DPP6: variants seen among roughly 807,000 people sequenced by gnomAD.
DPP6 encodes A-type potassium channel modulatory protein DPP6.
In DPP6, 69 loss-of-function variants were observed where a neutral mutation model predicts 122.6. The ratio of observed to expected loss-of-function variants is 0.56; its 90% CI spans 0.46 to 0.69. The LOEUF (loss-of-function observed/expected upper bound fraction) is 0.69. Ranked by LOEUF, DPP6 falls within the 30% of genes least tolerant of loss-of-function variation. The pLI is 0.00. For missense variants in DPP6, 928 were observed against 1,116.9 expected (o/e 0.83, Z 2.41); for synonymous variants, 418 against 433.1 (o/e 0.97, Z 0.43).
intron 6 of DPP6, among the ~76,000 whole-genome samples, chr7:154,640,478 C>T (rs145179946): frequency 3.3e-5 from 5 of 152,302 alleles, no homozygotes; most frequent in South Asian, 2.1e-4. Context: ...GCCCCTGAAG[C>T]GGCGTTGCTC....
chr7:154,145,196 C>T (rs1173364237), intron 1 of DPP6, among the ~76,000 whole-genome samples: 1 of 152,254 alleles, frequency 6.6e-6, no homozygotes. Context: ...AACACATGAG[C>T]CTTGCTTTTA....
intron 1 of DPP6, among the ~76,000 whole-genome samples, chr7:154,162,393 T>G (rs1311682107): frequency 6.6e-6 from 1 of 152,270 alleles, no homozygotes; most frequent in Non-Finnish European, 1.5e-5. Context: ...CCATAGACAT[T>G]CATTTTTCTA....
intron 1 of DPP6, among the ~76,000 whole-genome samples, chr7:154,003,920 G>GGAAATAGGCTCTATCCCTTTTGCA (rs1411302924): frequency 3.9e-5 from 6 of 152,228 alleles, no homozygotes; most frequent in Non-Finnish European, 5.9e-5. Context: ...CAAAGAATGG[G>GGAAATAGGCTCTATCCCTTTTGCA]GAAATAGGCT....
chr7:153,837,437 C>G, the DPP6 span, among the ~76,000 whole-genome samples: 4 of 152,134 alleles, frequency 2.6e-5, no homozygotes, highest in Non-Finnish European at 4.4e-5. Context: ...GCTTAAATAC[C>G]TTAACCAAAT....
chr7:153,945,835 C>G (rs960298872), intron 1 of DPP6, among the ~76,000 whole-genome samples: 29 of 152,204 alleles, frequency 1.9e-4, no homozygotes, highest in African/African-American at 6.0e-4. Flanking sequence ...CTCGTCTAAC[C>G]TGCATGCCGT....
chr7:154,879,726 T>G (rs1805221546), intron 20 of DPP6, among the ~76,000 whole-genome samples: 1 of 152,188 alleles, frequency 6.6e-6, no homozygotes, highest in African/African-American at 2.4e-5. Context: ...CACTCCAGCC[T>G]GGGCAATGAG....
At chr7:154,321,143 G>T (rs1807914966) in intron 1 of DPP6, among the ~76,000 whole-genome samples, 1 of 152,044 alleles carries the variant, frequency 6.6e-6, no homozygotes, top group African/African-American at 2.4e-5. Context: ...ATTAGCAGGT[G>T]GTGCATGCCT....
intron 1 of DPP6, among the ~76,000 whole-genome samples, chr7:154,061,544 C>T (rs370977855): frequency 6.8e-6 from 1 of 146,892 alleles, no homozygotes; most frequent in Non-Finnish European, 1.5e-5. Flanking sequence ...AAAACCTGAA[C>T]ATAAAGGCCC....
chr7:154,406,522 C>T (rs974217629), intron 1 of DPP6, among the ~76,000 whole-genome samples: 2 of 151,982 alleles, frequency 1.3e-5, no homozygotes, highest in Non-Finnish European at 2.9e-5. Context: ...CATCCACGCA[C>T]AAATGCACAC....
At chr7:154,676,573 C>T (rs1190955490) in intron 7 of DPP6, among the ~76,000 whole-genome samples, 2 of 152,264 alleles carry the variant, frequency 1.3e-5, no homozygotes, top group Non-Finnish European at 2.9e-5. Context: ...ACACTGTACC[C>T]ACACCCTGCA....
intron 1 of DPP6, among the ~76,000 whole-genome samples, chr7:154,111,620 CGT>C (rs71309604): frequency 0.089 from 12,052 of 134,682 alleles, 554 homozygotes; most frequent in Middle Eastern, 0.17. Flanking sequence ...GGCAGGGTTT[CGT>C]GTGTGTGTGT....
intron 1 of DPP6, among the ~76,000 whole-genome samples, chr7:154,113,040 A>C (rs1435304943): frequency 6.6e-6 from 1 of 152,178 alleles, no homozygotes; most frequent in African/African-American, 2.4e-5. Flanking sequence ...ATGTTTTTGC[A>C]TATGGCAGGA....
chr7:154,402,230 C>T (rs1481544976), intron 1 of DPP6, among the ~76,000 whole-genome samples: 1 of 151,992 alleles, frequency 6.6e-6, no homozygotes, highest in Admixed American at 6.6e-5. Flanking sequence ...CCATTTGACC[C>T]AGCCATCCCA....
chr7:153,801,665 G>A, the DPP6 span, among the ~76,000 whole-genome samples: 1 of 152,136 alleles, frequency 6.6e-6, no homozygotes, highest in Admixed American at 6.5e-5. Context: ...TGTGGTGGGA[G>A]AAGAAAGAAA....
intron 1 of DPP6, among the ~76,000 whole-genome samples, chr7:154,357,946 C>CA (rs563436108): frequency 0.023 from 2,804 of 123,850 alleles, 77 homozygotes; most frequent in African/African-American, 0.063. Flanking sequence ...AACTTCGTCT[C>CA]AAAAAAAAAA....
chr7:154,169,092 C>T (rs1187014659), intron 1 of DPP6, among the ~76,000 whole-genome samples: 12 of 93,630 alleles, frequency 1.3e-4, no homozygotes, highest in Admixed American at 2.4e-4. Flanking sequence ...CTTCTGATTG[C>T]GCTGCTGGCT....
intron 1 of DPP6, among the ~76,000 whole-genome samples, chr7:153,946,434 A>T (rs904791237): frequency 1.3e-5 from 2 of 151,912 alleles, no homozygotes; most frequent in African/African-American, 4.8e-5. Flanking sequence ...TGCCGGTGGG[A>T]GTGTCTTTCA....
At chr7:154,659,530 C>T (rs977439315) in intron 6 of DPP6, among the ~76,000 whole-genome samples, 10 of 152,242 alleles carry the variant, frequency 6.6e-5, no homozygotes, top group African/African-American at 2.4e-4. Context: ...TATCTATTTT[C>T]ACATACAATA....
chr7:154,288,404 G>A (rs1804990011), intron 1 of DPP6, among the ~76,000 whole-genome samples: 1 of 152,180 alleles, frequency 6.6e-6, no homozygotes, highest in Non-Finnish European at 1.5e-5. Context: ...AGCCACCAGT[G>A]TCCAGAGGAC....
Sources: gnomAD v4.1 joint callset for allele counts (sites outside exome capture counted in the v4.1 genomes callset) on GRCh38, gnomAD v4.1.1 for gene constraint, MANE v1.5 for transcripts, NCBI Gene and HGNC (gene_info 2026-07-23, HGNC 2026-07-21) for gene names.